The following SLC1A7 variants were observed in gnomAD, a reference collection of about 807,000 sequenced individuals.
SLC1A7 encodes solute carrier family 1 member 7, also known as excitatory amino acid transporter 5.
A neutral mutation model predicts 47.7 loss-of-function variants in SLC1A7; 40 were observed. The ratio of observed to expected loss-of-function variants is 0.84; its 90% CI spans 0.65 to 1.09. The LOEUF is 1.09. SLC1A7 is among the 50% of genes least tolerant of loss of function. The pLI is 0.00. For missense variants in SLC1A7, 746 were observed against 769.5 expected (o/e 0.97, Z 0.36); for synonymous variants, 323 against 325.6 (o/e 0.99, Z 0.09).
Position 53,103,436 on chromosome 1 carries a change from T to C in SLC1A7, c.607A>G (p.Thr203Ala), listed in dbSNP as rs564834610. The change falls in exon 5 of 11, where the codon ACC (threonine) becomes GCC (alanine). Residue 203 changes from threonine to alanine, a missense_variant. Physicochemically the swap from Thr to Ala is moderately conservative, Grantham distance 58 (BLOSUM62 0). Coordinates refer to ENST00000371494, the MANE Select transcript of SLC1A7 (RefSeq NM_006671.6). The part of the protein sequence containing the change: ...SHVQNFALDL[T>A]PPPEVVYKSE... Reference sequence around the variant, plus strand: ...TTGTAAACGACCTCGGGCGGCGGGGTCAGGTCCAGGGCGAAGTTCTGCACA... The same window carrying C: ...TTGTAAACGACCTCGGGCGGCGGGGCCAGGTCCAGGGCGAAGTTCTGCACA... 5 of 1,612,196 alleles carry C rather than the reference T, an allele frequency of 3.1e-6. No homozygotes were observed. The African/African-American group carries it at 6.7e-5, about 22-fold the overall frequency.
chr1:53,120,578 C>A (rs1028589893), intron 2 of SLC1A7, among the ~76,000 whole-genome samples: 2 of 152,252 alleles, frequency 1.3e-5, no homozygotes, highest in African/African-American at 4.8e-5. Flanking sequence ...CATCCACCAT[C>A]CCTTCCCCAA....
chr1:53,123,185 G>T (rs1185951645), intron 2 of SLC1A7, among the ~76,000 whole-genome samples: 1 of 152,114 alleles, frequency 6.6e-6, no homozygotes. Flanking sequence ...GGCAGTCAGG[G>T]CCAGGTCCAG....
At chr1:53,136,805 C>G (rs1318885899) in intron 1 of SLC1A7, among the ~76,000 whole-genome samples, 1 of 151,072 alleles carries the variant, frequency 6.6e-6, no homozygotes, top group Non-Finnish European at 1.5e-5. Flanking sequence ...TAGCTGAGAC[C>G]ACAGATGTAT....
intron 3 of SLC1A7, among the ~76,000 whole-genome samples, chr1:53,112,579 C>T (rs975109098): frequency 2.0e-5 from 3 of 152,212 alleles, no homozygotes; most frequent in East Asian, 3.8e-4. Flanking sequence ...AATGCTTCTC[C>T]ACAACCTTAA....
chr1:53,093,621 T>G, intron 5 of SLC1A7, 61 bp from the exon 6 acceptor site: 6 of 1,351,340 alleles, frequency 4.4e-6, no homozygotes, highest in Non-Finnish European at 6.1e-6. Context: ...CCCACATGGG[T>G]CTCAGCATGG....
intron 5 of SLC1A7, among the ~76,000 whole-genome samples, 158 bp from the exon 6 acceptor site, chr1:53,093,718 G>A (rs970665318): frequency 8.2e-6 from 1 of 121,636 alleles, no homozygotes; most frequent in Non-Finnish European, 1.7e-5. Context: ...CTCTACTACC[G>A]ATCCCACAGT....
chr1:53,124,077 C>A (rs953413334), intron 2 of SLC1A7, among the ~76,000 whole-genome samples: 7 of 152,224 alleles, frequency 4.6e-5, no homozygotes, highest in Non-Finnish European at 7.3e-5. Context: ...TGGCCCAGGC[C>A]CATTTCCAAT....
intron 2 of SLC1A7, among the ~76,000 whole-genome samples, chr1:53,118,957 A>T (rs1473186317): frequency 6.6e-6 from 1 of 152,230 alleles, no homozygotes; most frequent in African/African-American, 2.4e-5. Flanking sequence ...AGGCCACGCC[A>T]TTGCACTCCA....
chr1:53,115,376 G>GC lies in SLC1A7; in HGVS notation c.216-404_216-403insG. The GC allele has an allele frequency of 1.3e-4, 28 of 217,068 alleles. No homozygotes were observed. In the East Asian group the frequency reaches 2.3e-3, roughly 18 times the overall value. 13.4% of individuals were successfully genotyped at this position (217,068 alleles called of 1,614,324 possible). ...CTCCTGACCCCTGCCCAGCCAGGCA[G>GC]GACCAAGCTTGGTCTACCTCTGAGA... On this transcript the variant is annotated intron_variant, in intron 2 of 10. Coordinates refer to ENST00000371494, the MANE Select transcript of SLC1A7 (RefSeq NM_006671.6).
chr1:53,101,646 G>A (rs12752012), intron 5 of SLC1A7, among the ~76,000 whole-genome samples: 30,526 of 148,300 alleles, frequency 0.21, 3,244 homozygotes, highest in Middle Eastern at 0.28. Context: ...ACCTTGCCTC[G>A]GTACACTCAC....
At chr1:53,097,500 A>ATG in intron 5 of SLC1A7, among the ~76,000 whole-genome samples, 1 of 125,012 alleles carries the variant, frequency 8.0e-6, no homozygotes, top group South Asian at 2.7e-4. Flanking sequence ...CACACACCCC[A>ATG]CCTCGGTACA....
rs567902524 is a variant in SLC1A7, at chr1:53,141,413, C to T, written c.135+902G>A. ...CTCCCCAGGAGGTCTTGATAACTAC[C>T]CCCCTACCACAATAGTCCTGAATAG... On this transcript the variant is annotated intron_variant, in intron 1 of 10. Transcript: ENST00000371494. Among the ~76,000 whole-genome samples the T allele has an allele frequency of 7.6e-4, 115 of 152,110 alleles. 1 individual carries two copies. Among genetic ancestry groups the T allele is most frequent in the Non-Finnish European group, 1.3e-3 (86 of 68,002 alleles).
rs749261435 is a variant in SLC1A7, at chr1:53,092,635, A to G, written c.950T>C (p.Phe317Ser). The G allele has an allele frequency of 1.9e-6, 3 of 1,614,066 alleles. No individual in the cohort carries two copies. The highest frequency in any genetic ancestry group is 2.7e-5 in the African/African-American group (2 of 74,922). ...HGLFILPLLY[F>S]FITKKNPIVF... Reference sequence around the variant, plus strand: ...GATGGGATTCTTCTTGGTGATGAAGAAGTAGAGCAGGGGCAGGATAAAGAG... The same window carrying G: ...GATGGGATTCTTCTTGGTGATGAAGGAGTAGAGCAGGGGCAGGATAAAGAG... Residue 317 changes from phenylalanine to serine, a missense_variant, in exon 7 of 11, where the codon TTC becomes TCC. By Grantham distance (155) the Phe-to-Ser change is radical. Coordinates refer to ENST00000371494, the MANE Select transcript of SLC1A7 (RefSeq NM_006671.6).
Position 53,090,783 on chromosome 1 carries a change from A to C in SLC1A7, c.1055T>G (p.Phe352Cys). 1 of 1,612,844 alleles carries C rather than the reference A, an allele frequency of 6.2e-7. No individual in the cohort carries two copies. Among genetic ancestry groups the C allele is most frequent in the Non-Finnish European group, 8.5e-7 (1 of 1,179,474 alleles). ...SSSSATLPIT[F>C]KCLLENNHID... ...GTGGTTGTTCTCCAGCAGGCACTTG[A>C]AGGTGATGGGCAGTGTGGCTGAGCT... Residue 352 changes from phenylalanine (F) to cysteine (C), a missense_variant, in exon 8 of 11, where the codon TTC becomes TGC. By Grantham distance (205) the Phe-to-Cys change is radical (BLOSUM62 -2). Transcript: ENST00000371494.
At chr1:53,106,321 G>A (rs1240712971) in intron 3 of SLC1A7, among the ~76,000 whole-genome samples, 3 of 151,742 alleles carry the variant, frequency 2.0e-5, no homozygotes, top group Admixed American at 2.0e-4. Flanking sequence ...AAAGGTGGAG[G>A]AGTCTTTCCT....
rs1207898869 is a variant in SLC1A7, at chr1:53,103,437, C to G, written c.606G>C (p.Leu202=). The G allele has an allele frequency of 2.5e-6, 4 of 1,612,434 alleles. No individual in the cohort carries two copies. Among genetic ancestry groups the G allele is most frequent in the Non-Finnish European group, 3.4e-6 (4 of 1,179,604 alleles). The change falls in exon 5 of 11, where the codon CTG becomes CTC. Residue 202 remains leucine, a synonymous_variant. Coordinates refer to ENST00000371494, the MANE Select transcript of SLC1A7 (RefSeq NM_006671.6). ...TGTAAACGACCTCGGGCGGCGGGGT[C>G]AGGTCCAGGGCGAAGTTCTGCACAT... The part of the protein sequence containing the change: ...GSHVQNFALD[L]TPPPEVVYKS...
At chr1:53,138,306 A>T (rs1645020858) in intron 1 of SLC1A7, among the ~76,000 whole-genome samples, 1 of 152,146 alleles carries the variant, frequency 6.6e-6, no homozygotes, top group Non-Finnish European at 1.5e-5. Context: ...TTCTTTTGTA[A>T]ACAAAATTGA....
chr1:53,132,356 T>A (rs1288358), intron 2 of SLC1A7, among the ~76,000 whole-genome samples: 1 of 152,092 alleles, frequency 6.6e-6, no homozygotes, highest in African/African-American at 2.4e-5. Flanking sequence ...CCTGTAGGGT[T>A]GGGAGGAAGC....
chr1:53,136,666 ATTTTTT>A (rs58852734), intron 1 of SLC1A7, among the ~76,000 whole-genome samples: 3 of 105,394 alleles, frequency 2.8e-5, no homozygotes, highest in Admixed American at 1.1e-4. Flanking sequence ...ATATATATAT[ATTTTTT>A]TTTTTTTTTT....
Sources: gnomAD v4.1 joint callset for allele counts (sites outside exome capture counted in the v4.1 genomes callset) on GRCh38, gnomAD v4.1.1 for gene constraint, MANE v1.5 for transcripts, NCBI Gene and HGNC (gene_info 2026-07-23, HGNC 2026-07-21) for gene names.